VPS50: variants seen among roughly 807,000 people sequenced by gnomAD.
VPS50 encodes syndetin.
In VPS50, 70 loss-of-function variants were observed where a neutral mutation model predicts 139.7. The ratio of observed to expected loss-of-function variants is 0.50; its 90% confidence interval spans 0.41 to 0.61. The LOEUF is 0.61. Among genes scored for constraint, VPS50 ranks in the 20% least tolerant of loss-of-function variants. The probability of loss-of-function intolerance (pLI) is 0.00; values close to 1 mark genes in which losing one functional copy is unlikely to be tolerated. For missense variants in VPS50, 921 were observed against 1,133.7 expected (o/e 0.81, Z 2.69); for synonymous variants, 365 against 376.7 (o/e 0.97, Z 0.36).
chr7:93,293,216 T>C lies in VPS50; in HGVS notation c.1076-1329T>C, dbSNP rs531957868. Among the ~76,000 whole-genome samples the C allele has an allele frequency of 2.5e-3, 386 of 152,282 alleles. 5 individuals are homozygous for C. Among genetic ancestry groups the C allele is most frequent in the South Asian group, 2.9e-3 (14 of 4,828 alleles). On this transcript the variant is annotated intron_variant, in intron 13 of 27. Transcript: ENST00000305866. Reference sequence around the variant, plus strand: ...TGAAATGGATCAAGAGATAATATAATAATAGTGAAATACCTGGAGACTGTT... The same window carrying C: ...TGAAATGGATCAAGAGATAATATAACAATAGTGAAATACCTGGAGACTGTT...
chr7:93,247,129 C>T (rs1471078126), intron 2 of VPS50, among the ~76,000 whole-genome samples: 1 of 151,796 alleles, frequency 6.6e-6, no homozygotes, highest in African/African-American at 2.4e-5. Context: ...TTATATGCAA[C>T]CTTATTGCAT....
At chr7:93,254,021 C>G (rs928444712) in intron 4 of VPS50, 90 bp downstream of exon 4, 2 of 599,194 alleles carry the variant, frequency 3.3e-6, no homozygotes, top group African/African-American at 1.9e-5. Context: ...ATGGTTTTAA[C>G]TAACAATTAA....
At chr7:93,347,882 C>T (rs1160491887) in intron 23 of VPS50, among the ~76,000 whole-genome samples, 13 of 149,694 alleles carry the variant, frequency 8.7e-5, no homozygotes, top group African/African-American at 2.5e-4. Context: ...TGCTAGATGA[C>T]GAGTTAATGG....
chr7:93,346,413 A>C (rs961114142), intron 23 of VPS50, among the ~76,000 whole-genome samples: 41 of 152,208 alleles, frequency 2.7e-4, no homozygotes, highest in African/African-American at 9.4e-4. Flanking sequence ...GGTAATTTAC[A>C]GATTCAATGC....
chr7:93,290,587 A>G (rs191611329), intron 12 of VPS50, among the ~76,000 whole-genome samples: 13 of 152,082 alleles, frequency 8.5e-5, no homozygotes, highest in Admixed American at 3.9e-4. Flanking sequence ...TGAGATAATC[A>G]TTTGATTTTT....
chr7:93,311,862 A>G (rs73219913), intron 20 of VPS50, among the ~76,000 whole-genome samples: 6,317 of 152,204 alleles, frequency 0.042, 171 homozygotes, highest in African/African-American at 0.064. Flanking sequence ...AACATCTTGT[A>G]TGCTTTTAGC....
rs762874399 is a variant in VPS50, at chr7:93,259,564, A to G, written c.591A>G (p.Pro197=). ...GTTACCTTAAGGAGGAAGATTATCC[A>G]GGAGCTATTCAGTTGTGCCTTGAAT... ...LSEMLEEEDY[P]GAIQLCLECQ... The change falls in exon 9 of 28, where the codon CCA becomes CCG. Residue 197 remains proline (P), a synonymous_variant. Transcript: ENST00000305866. The G allele has an allele frequency of 6.3e-6, 10 of 1,582,486 alleles. No homozygotes were observed. In the Admixed American group the frequency reaches 1.7e-4, roughly 26 times the overall value.
intron 12 of VPS50, among the ~76,000 whole-genome samples, chr7:93,288,584 T>A (rs374559537): frequency 6.6e-6 from 1 of 152,310 alleles, no homozygotes; most frequent in African/African-American, 2.4e-5. Context: ...TGTACTATTT[T>A]GCATCAGCAA....
rs749317303 is a variant in VPS50, at chr7:93,239,926, C to T, written c.94C>T (p.Pro32Ser). 2.3e-5 allele frequency: 37 copies of T among 1,595,046 alleles called. No homozygotes were observed. The highest frequency in any genetic ancestry group is 2.9e-5 in the Non-Finnish European group (34 of 1,163,456). Residue 32 changes from proline to serine, a missense_variant, in exon 2 of 28, where the codon CCT (proline) becomes TCT (serine). Pro to Ser is a moderately conservative substitution (Grantham distance 74). This residue lies in a region of VPS50 where 744 missense variants were observed against 930.6 expected (regional missense o/e 0.80). Transcript: ENST00000305866. The part of the protein sequence containing the change: ...DLGAIESLRV[P>S]GKEEFRELRE... Reference sequence around the variant, plus strand: ...TGGTGCCATAGAGAGTCTCCGGGTCCCTGGAAAGGTATTGAGCTACACGTG... The same window carrying T: ...TGGTGCCATAGAGAGTCTCCGGGTCTCTGGAAAGGTATTGAGCTACACGTG...
chr7:93,284,183 C>G (rs929159585), intron 12 of VPS50, among the ~76,000 whole-genome samples: 2 of 152,128 alleles, frequency 1.3e-5, no homozygotes, highest in African/African-American at 2.4e-5. Context: ...AAATAATTTA[C>G]TAGTGGGAAA....
intron 20 of VPS50, among the ~76,000 whole-genome samples, chr7:93,322,499 C>T (rs1797645225): frequency 6.8e-6 from 1 of 147,582 alleles, no homozygotes. Context: ...ACTCGGGAGG[C>T]TGAGGCAGGA....
At chr7:93,246,073 T>C (rs887846117) in intron 2 of VPS50, 3 of 1,481,016 alleles carry the variant, frequency 2.0e-6, no homozygotes, top group African/African-American at 2.8e-5. Context: ...TTTTGGTCAC[T>C]AAACGCTTCT....
intron 20 of VPS50, among the ~76,000 whole-genome samples, chr7:93,313,316 G>T (rs1797326606): frequency 6.6e-6 from 1 of 152,014 alleles, no homozygotes; most frequent in African/African-American, 2.4e-5. Flanking sequence ...CAGGGAATTG[G>T]GAAAAATAAT....
chr7:93,295,700 C>CT (rs1006735473), intron 14 of VPS50, among the ~76,000 whole-genome samples: 2 of 151,230 alleles, frequency 1.3e-5, no homozygotes, highest in Non-Finnish European at 1.5e-5. Context: ...TTTTGACCAT[C>CT]TTTTTTTTTC....
chr7:93,271,182 CAGAAAT>C, intron 9 of VPS50, 32 bp from the exon 10 acceptor site: 1 of 1,542,020 alleles, frequency 6.5e-7, no homozygotes, highest in Non-Finnish European at 8.7e-7. Context: ...TAGTTTGTCT[CAGAAAT>C]AGAAAAAAAC....
intron 9 of VPS50, among the ~76,000 whole-genome samples, chr7:93,269,633 T>C (rs984229387): frequency 1.3e-5 from 2 of 152,084 alleles, no homozygotes; most frequent in Admixed American, 1.3e-4. Flanking sequence ...TATATCTCAC[T>C]CTGGTATTAT....
chr7:93,350,049 A>T lies in VPS50; in HGVS notation c.2463+16A>T, dbSNP rs749848712. 6.3e-7 allele frequency: 1 copy of T among 1,596,542 alleles called. No homozygotes were observed. Among genetic ancestry groups the T allele is most frequent in the Non-Finnish European group, 8.6e-7 (1 of 1,167,198 alleles). Reference sequence around the variant, plus strand: ...ACTATTAAAGGCAAGTGTTCTGGGAAGCACCTGTGCTAAAGATCAATCTAC... The same window carrying T: ...ACTATTAAAGGCAAGTGTTCTGGGATGCACCTGTGCTAAAGATCAATCTAC... On this transcript the variant is annotated intron_variant, in intron 25 of 27. Coordinates refer to ENST00000305866, the MANE Select transcript of VPS50 (RefSeq NM_017667.4).
chr7:93,301,589 C>G (rs1796977137), intron 16 of VPS50, among the ~76,000 whole-genome samples: 1 of 152,114 alleles, frequency 6.6e-6, no homozygotes, highest in African/African-American at 2.4e-5. Context: ...ACAAACCTGT[C>G]TGGAAGAGAC....
chr7:93,338,207 T>C (rs1314894320), intron 22 of VPS50, among the ~76,000 whole-genome samples: 5 of 152,148 alleles, frequency 3.3e-5, no homozygotes, highest in Non-Finnish European at 7.4e-5. Flanking sequence ...AGATACAAGA[T>C]AGTTGGATAG....
Sources: gnomAD v4.1 joint callset for allele counts (sites outside exome capture counted in the v4.1 genomes callset) on GRCh38, gnomAD v4.1.1 for gene constraint, gnomAD v4.1.1 regional missense constraint, MANE v1.5 for transcripts, NCBI Gene and HGNC (gene_info 2026-07-23, HGNC 2026-07-21) for gene names.